Variants in TLE1 observed in about 807,000 individuals in gnomAD.
TLE1 encodes transducin-like enhancer protein 1.
TLE1 carries 21 observed loss-of-function variants against 89.8 expected under a neutral mutation model. That is an observed-to-expected ratio of 0.23 (90% CI 0.17 to 0.34). The LOEUF is 0.34. Ranked by LOEUF, TLE1 falls within the 10% of genes least tolerant of loss-of-function variation. The pLI, the probability that TLE1 is intolerant of heterozygous loss-of-function variation, is 1.00. For synonymous variants in TLE1, 447 were observed against 407.6 expected (o/e 1.10, Z -1.16); for missense variants, 795 against 1,031.2 (o/e 0.77, Z 3.14).
At chr9:81,596,856 C>G (rs553396657) in intron 14 of TLE1, among the ~76,000 whole-genome samples, 41 of 152,288 alleles carry the variant, frequency 2.7e-4, no homozygotes, top group African/African-American at 9.9e-4. Context: ...AGGTGGCTGC[C>G]TTTGGTGAAA....
rs762221881 is a variant in TLE1, at chr9:81,613,376, C to T, written c.1063+1G>A. 6.2e-7 allele frequency: 1 copy of T among 1,613,660 alleles called. No individual in the cohort carries two copies. The highest frequency in any genetic ancestry group is 2.2e-5 in the East Asian group (1 of 44,860). ...AAGCACAACAAGAGGCGATGCTGTA[C>T]CCGCTTGGTTAACGAGGGGGTCTAT... is the stretch of plus-strand genomic sequence containing the variant. On this transcript the variant is annotated splice_donor_variant, in intron 12 of 19. Transcript: ENST00000376499. LOFTEE classifies it high-confidence loss of function.
intron 6 of TLE1, among the ~76,000 whole-genome samples, chr9:81,637,364 G>C (rs914919222): frequency 1.3e-5 from 2 of 152,066 alleles, no homozygotes; most frequent in African/African-American, 4.8e-5. Flanking sequence ...GTCTCCAAAA[G>C]AAAAAAGATG....
rs930406074 is a variant in TLE1 at position 81,612,099 on chromosome 9, C to G, written c.1064-140G>C. 1.0e-5 allele frequency: 7 copies of G among 696,792 alleles called. No homozygotes were observed. The African/African-American group carries it at 1.3e-4, about 13-fold the overall frequency. The allele number at this position is 696,792 out of a possible 1,614,324, so 43.2% of individuals were successfully genotyped here. ...GGCTTCTAGGGGAGGGGGAAAATCA[C>G]CTCCAATTTATACACTGGATCCCTC... On this transcript the variant is annotated intron_variant, in intron 12 of 19. Coordinates refer to ENST00000376499, the MANE Select transcript of TLE1 (RefSeq NM_005077.5).
At chr9:81,683,926 C>T (rs940740457) in intron 4 of TLE1, among the ~76,000 whole-genome samples, 6 of 152,084 alleles carry the variant, frequency 3.9e-5, no homozygotes, top group African/African-American at 1.4e-4. Flanking sequence ...GAGGTCATCC[C>T]GCCACATAAC....
intron 9 of TLE1, among the ~76,000 whole-genome samples, chr9:81,617,681 G>A (rs182354475): frequency 8.0e-4 from 121 of 152,168 alleles, no homozygotes; most frequent in Non-Finnish European, 1.5e-3. Flanking sequence ...TGGCCTAGCC[G>A]ACATAGCAAG....
In TLE1 at chr9:81,688,158, C is replaced by T. The variant is rs1361809440; in HGVS notation, c.24+59G>A. On this transcript the variant is annotated intron_variant, in intron 1 of 19. Transcript: ENST00000376499. ...CAGAAGCCACCAGTCTCCCTACCGC[C>T]CGGGAGAAGCGCCTCCCCAACGATC... 1.6e-5 allele frequency: 25 copies of T among 1,593,306 alleles called. No individual in the cohort carries two copies. In the Admixed American group the frequency reaches 4.1e-4, roughly 26 times the overall value.
chr9:81,664,566 A>T (rs549287746), intron 4 of TLE1, among the ~76,000 whole-genome samples: 4 of 152,266 alleles, frequency 2.6e-5, no homozygotes, highest in Admixed American at 1.3e-4. Context: ...ATCCAAATTT[A>T]AAAAATGTGG....
intron 12 of TLE1, chr9:81,612,373 A>G (rs1417126566): frequency 4.0e-6 from 4 of 994,470 alleles, no homozygotes; most frequent in Non-Finnish European, 4.8e-6. Context: ...CCTGGTACCA[A>G]TTCCAAATGA....
intron 4 of TLE1, among the ~76,000 whole-genome samples, chr9:81,662,197 A>G (rs988743530): frequency 7.9e-5 from 12 of 152,180 alleles, no homozygotes; most frequent in Non-Finnish European, 1.5e-4. Context: ...TGCCCTCCTA[A>G]TAAATCAGTT....
chr9:81,655,285 C>T (rs904958148), intron 4 of TLE1, among the ~76,000 whole-genome samples: 4 of 152,018 alleles, frequency 2.6e-5, no homozygotes, highest in South Asian at 2.1e-4. Context: ...ACTGCTTGAA[C>T]GAGGGAGGTG....
intron 4 of TLE1, among the ~76,000 whole-genome samples, chr9:81,682,878 A>C (rs1175746008): frequency 2.0e-5 from 3 of 152,208 alleles, no homozygotes; most frequent in African/African-American, 7.2e-5. Flanking sequence ...TGAAAGACTT[A>C]AGTATCTATT....
chr9:81,616,539 G>A, intron 10 of TLE1, 107 bp downstream of exon 10: 1 of 1,139,026 alleles, frequency 8.8e-7, no homozygotes. Context: ...GAAGTTGCAA[G>A]AGGTCCCCCC....
chr9:81,587,529 G>T, intron 17 of TLE1, 152 bp downstream of exon 17: 2 of 1,102,564 alleles, frequency 1.8e-6, no homozygotes, highest in Non-Finnish European at 2.5e-6. Flanking sequence ...AGGAGGTGGT[G>T]GTCATTGTTT....
At chr9:81,671,588 T>C (rs893098400) in intron 4 of TLE1, among the ~76,000 whole-genome samples, 3 of 151,078 alleles carry the variant, frequency 2.0e-5, no homozygotes, top group African/African-American at 7.3e-5. Context: ...AAGCTTGCAG[T>C]GAGCCAAGAT....
At chr9:81,625,646 C>T (rs1016205308) in intron 8 of TLE1, among the ~76,000 whole-genome samples, 2 of 152,148 alleles carry the variant, frequency 1.3e-5, no homozygotes, top group African/African-American at 4.8e-5. Context: ...GACTGAACCT[C>T]AGAGAGCACC....
At chr9:81,614,047 A>AC (rs1824081545) in intron 11 of TLE1, among the ~76,000 whole-genome samples, 2 of 151,550 alleles carry the variant, frequency 1.3e-5, no homozygotes, top group Non-Finnish European at 2.9e-5. Context: ...AGCTGGGACT[A>AC]CAGGTGCCCG....
chr9:81,632,784 A>G (rs1379237369), intron 8 of TLE1, among the ~76,000 whole-genome samples: 2 of 152,172 alleles, frequency 1.3e-5, no homozygotes, highest in East Asian at 3.9e-4. Context: ...CTCAGTTCTT[A>G]TGTCTAAAAT....
chr9:81,659,886 A>C (rs186042060), intron 4 of TLE1, among the ~76,000 whole-genome samples: 1 of 152,288 alleles, frequency 6.6e-6, no homozygotes, highest in East Asian at 1.9e-4. Flanking sequence ...AAAGTGCTGT[A>C]CAAATATGAG....
chr9:81,595,793 T>G (rs1830114846), intron 14 of TLE1, among the ~76,000 whole-genome samples: 1 of 139,370 alleles, frequency 7.2e-6, no homozygotes, highest in Admixed American at 7.8e-5. Context: ...CACTCCAGCC[T>G]GGGCGACAGA....
Sources: allele counts gnomAD v4.1 joint callset (sites outside exome capture counted in the v4.1 genomes callset), GRCh38; gene constraint gnomAD v4.1.1; transcripts MANE v1.5; gene names NCBI Gene and HGNC (gene_info 2026-07-23, HGNC 2026-07-21).